The following RORA variants were observed in gnomAD, a reference collection of about 807,000 sequenced individuals.
RORA encodes the protein RAR related orphan receptor A, also known as nuclear receptor ROR-alpha.
In RORA, 7 loss-of-function variants were observed where a neutral mutation model predicts 69.5. That is an observed-to-expected ratio of 0.10 (90% CI 0.06 to 0.19). RORA has a LOEUF of 0.19. RORA is among the 10% of genes least tolerant of loss of function. The pLI is 1.00. For missense variants in RORA, 457 were observed against 663.0 expected (o/e 0.69, Z 3.41); for synonymous variants, 261 against 240.8 (o/e 1.08, Z -0.78).
At chr15:60,746,706 T>C (rs2071653517) in intron 1 of RORA, among the ~76,000 whole-genome samples, 1 of 152,190 alleles carries the variant, frequency 6.6e-6, no homozygotes, top group African/African-American at 2.4e-5. Context: ...TGACTGTGTG[T>C]GGACAGACAA....
intron 1 of RORA, among the ~76,000 whole-genome samples, chr15:60,740,076 G>A (rs192910525): frequency 6.6e-6 from 1 of 152,238 alleles, no homozygotes; most frequent in East Asian, 1.9e-4. Flanking sequence ...AAAGGGAGCG[G>A]GGGAAACTGG....
chr15:60,661,601 T>C (rs1657795), intron 2 of RORA, among the ~76,000 whole-genome samples: 89,085 of 152,018 alleles, frequency 0.59, 27,307 homozygotes, highest in South Asian at 0.79. Context: ...ATTAATTCTC[T>C]TTGAATAAGG....
intron 1 of RORA, among the ~76,000 whole-genome samples, chr15:61,129,201 T>A (rs2079168366): frequency 6.6e-6 from 1 of 152,290 alleles, no homozygotes; most frequent in Admixed American, 6.5e-5. Context: ...TCTCTATATG[T>A]TACAGAAGGT....
At chr15:60,931,207 G>T (rs1373783398) in intron 1 of RORA, among the ~76,000 whole-genome samples, 1 of 152,202 alleles carries the variant, frequency 6.6e-6, no homozygotes, top group Non-Finnish European at 1.5e-5. Context: ...GGCCAGGCAG[G>T]CTTACAGGAG....
intron 1 of RORA, among the ~76,000 whole-genome samples, chr15:60,924,876 C>T (rs1479884162): frequency 2.6e-5 from 4 of 151,878 alleles, no homozygotes; most frequent in Non-Finnish European, 5.9e-5. Context: ...GTCAGGAGTT[C>T]GAGACCAGCC....
At chr15:60,882,894 T>C (rs1483397996) in intron 1 of RORA, among the ~76,000 whole-genome samples, 1 of 151,564 alleles carries the variant, frequency 6.6e-6, no homozygotes, top group Admixed American at 6.6e-5. Context: ...GAGGCCGAAG[T>C]GGGAGAATCA....
intron 1 of RORA, among the ~76,000 whole-genome samples, chr15:60,739,511 T>C (rs114133079): frequency 0.027 from 4,081 of 151,918 alleles, 198 homozygotes; most frequent in African/African-American, 0.095. Context: ...GCAGAGGCTA[T>C]GATGAGCCCT....
At chr15:61,115,717 C>T (rs573504942) in intron 1 of RORA, among the ~76,000 whole-genome samples, 66 of 152,268 alleles carry the variant, frequency 4.3e-4, no homozygotes, top group African/African-American at 1.5e-3. Context: ...GGATCCATTT[C>T]AGCATCACAA....
chr15:61,083,590 G>A (rs2078577600), intron 1 of RORA, among the ~76,000 whole-genome samples: 2 of 151,788 alleles, frequency 1.3e-5, no homozygotes, highest in Admixed American at 6.6e-5. Flanking sequence ...CACTGTTGCC[G>A]ACTCCACATC....
intron 1 of RORA, among the ~76,000 whole-genome samples, chr15:60,766,622 G>A (rs1393815929): frequency 6.6e-6 from 1 of 151,138 alleles, no homozygotes; most frequent in African/African-American, 2.4e-5. Flanking sequence ...CTCGCCTATT[G>A]TAACTTGCTG....
chr15:61,019,167 A>G (rs1449302761), intron 1 of RORA, among the ~76,000 whole-genome samples: 2 of 152,224 alleles, frequency 1.3e-5, no homozygotes, highest in African/African-American at 4.8e-5. Flanking sequence ...ACCACAGAAC[A>G]TGCCCAGCGG....
intron 1 of RORA, among the ~76,000 whole-genome samples, chr15:60,786,331 C>A (rs974957377): frequency 2.0e-5 from 3 of 152,170 alleles, no homozygotes; most frequent in Non-Finnish European, 4.4e-5. Flanking sequence ...ATAACAGAAA[C>A]AAAAATGCCT....
chr15:60,882,136 C>T (rs1332957024), intron 1 of RORA, among the ~76,000 whole-genome samples: 1 of 152,178 alleles, frequency 6.6e-6, no homozygotes, highest in African/African-American at 2.4e-5. Flanking sequence ...TCTCCCACTA[C>T]AAAGCATGCT....
At chr15:61,075,086 C>CA (rs879724406) in intron 1 of RORA, among the ~76,000 whole-genome samples, 3,493 of 111,874 alleles carry the variant, frequency 0.031, 152 homozygotes, top group East Asian at 0.2. Context: ...GACTCTATCT[C>CA]AAAAAAAAAA....
At chr15:60,523,932 C>T (rs1689476251) in intron 3 of RORA, among the ~76,000 whole-genome samples, 1 of 152,216 alleles carries the variant, frequency 6.6e-6, no homozygotes, top group African/African-American at 2.4e-5. Flanking sequence ...GCCTAGGCCT[C>T]CCACAATGCC....
intron 9 of RORA, 26 bp downstream of exon 9, chr15:60,500,933 T>G: frequency 7.5e-7 from 1 of 1,329,574 alleles, no homozygotes; most frequent in Non-Finnish European, 1.1e-6. Context: ...TCGAAAACCA[T>G]TTTTATTTTT....
intron 1 of RORA, among the ~76,000 whole-genome samples, chr15:61,001,463 T>G (rs533206983): frequency 6.6e-6 from 1 of 152,362 alleles, no homozygotes; most frequent in South Asian, 2.1e-4. Flanking sequence ...GCTAGTTTCC[T>G]TGAAATAGAT....
intron 2 of RORA, among the ~76,000 whole-genome samples, chr15:60,595,236 G>T (rs1169614850): frequency 6.6e-6 from 1 of 151,966 alleles, no homozygotes; most frequent in African/African-American, 2.4e-5. Context: ...GTAAAAGCCG[G>T]GCATGGTGGC....
rs140196709 is a variant in RORA at position 60,991,128 on chromosome 15, C to T, written c.166+237925G>A. ...AAACCCAGTCCCTGTTGAGAAGACA[C>T]GGACTATACCCAGGAAATAATAAAA... On this transcript the variant is annotated intron_variant, in intron 1 of 10. Coordinates refer to ENST00000335670, the MANE Select transcript of RORA (RefSeq NM_134261.3). Among the ~76,000 whole-genome samples the T allele has an allele frequency of 4.4e-3, 667 of 152,292 alleles. 8 individuals are homozygous for T. Among genetic ancestry groups the T allele is most frequent in the African/African-American group, 0.015 (633 of 41,574 alleles).
Sources: allele counts gnomAD v4.1 joint callset (sites outside exome capture counted in the v4.1 genomes callset), GRCh38; gene constraint gnomAD v4.1.1; transcripts MANE v1.5; gene names NCBI Gene and HGNC (gene_info 2026-07-23, HGNC 2026-07-21).